ATP1A4: variants seen among roughly 807,000 people sequenced by gnomAD.
ATP1A4 encodes the protein sodium/potassium-transporting ATPase subunit alpha-4.
In ATP1A4, 90 loss-of-function variants were observed where a neutral mutation model predicts 114.3. That is an observed-to-expected ratio of 0.79 (90% CI 0.66 to 0.94). ATP1A4 has a LOEUF of 0.94. Among genes scored for constraint, ATP1A4 ranks in the 40% least tolerant of loss-of-function variants. The pLI, the probability that ATP1A4 is intolerant of heterozygous loss-of-function variation, is 0.00. For synonymous variants in ATP1A4, 511 were observed against 494.1 expected (o/e 1.03, Z -0.45); for missense variants, 1,222 against 1,313.6 (o/e 0.93, Z 1.08).
chr1:160,172,736 G>C (rs1290306738), intron 12 of ATP1A4, among the ~76,000 whole-genome samples: 1 of 152,162 alleles, frequency 6.6e-6, no homozygotes, highest in Admixed American at 6.5e-5. Flanking sequence ...GGTGTTCTCT[G>C]TTGGAACTGG....
intron 20 of ATP1A4, among the ~76,000 whole-genome samples, chr1:160,185,918 CA>C (rs564826958): frequency 0.27 from 25,949 of 96,006 alleles, 2,612 homozygotes; most frequent in Admixed American, 0.38. Flanking sequence ...GACTCCGTCT[CA>C]AAAAAAAAAA....
At chr1:160,168,737 G>GC (rs1653132899) in intron 10 of ATP1A4, among the ~76,000 whole-genome samples, 1 of 152,136 alleles carries the variant, frequency 6.6e-6, no homozygotes, top group Admixed American at 6.5e-5. Flanking sequence ...TGAAAACTGA[G>GC]CAAGTAAGGG....
At chr1:160,174,454 C>T (rs918882916) in intron 14 of ATP1A4, 125 bp from the exon 15 acceptor site, 43 of 1,459,086 alleles carry the variant, frequency 2.9e-5, no homozygotes, top group Non-Finnish European at 3.7e-5. Context: ...GGGAGAAGGA[C>T]GGGAGCCCTA....
At chr1:160,183,004 C>T (rs1653762619) in intron 20 of ATP1A4, 1 of 152,262 alleles carries the variant, frequency 6.6e-6, no homozygotes, top group Non-Finnish European at 1.5e-5. Flanking sequence ...CATGTCTCTA[C>T]TCTGCTCACC....
intron 4 of ATP1A4, 53 bp downstream of exon 4, chr1:160,156,211 T>C: frequency 8.1e-7 from 1 of 1,239,532 alleles, no homozygotes; most frequent in South Asian, 1.2e-5. Flanking sequence ...TGTGGCCAAA[T>C]ACACAATGAT....
chr1:160,179,964 G>A (rs1653620824), intron 18 of ATP1A4, among the ~76,000 whole-genome samples: 2 of 152,160 alleles, frequency 1.3e-5, no homozygotes, highest in South Asian at 2.1e-4. Context: ...TATTGGAAAG[G>A]ATAATATCTA....
Position 160,164,268 on chromosome 1 carries a change from A to T in ATP1A4, c.891A>T (p.Glu297Asp), listed in dbSNP as rs1290667476. The change falls in exon 7 of 22, where the codon GAA (glutamate) becomes GAT (aspartate). Residue 297 changes from glutamate to aspartate, a missense_variant. Transcript: ENST00000368081. ...VGQTPIAAEI[E>D]HFIHLITVVA... ...AGACACCTATCGCTGCTGAGATCGA[A>T]CACTTCATCCATCTGATCACTGTGG... is the stretch of plus-strand genomic sequence containing the variant. 1.2e-6 allele frequency: 2 copies of T among 1,613,954 alleles called. No individual in the cohort carries two copies. Among genetic ancestry groups the T allele is most frequent in the African/African-American group, 2.7e-5 (2 of 74,892 alleles).
chr1:160,156,226 T>C, intron 4 of ATP1A4, 68 bp downstream of exon 4: 73 of 953,814 alleles, frequency 7.7e-5, no homozygotes, highest in Non-Finnish European at 1.1e-4. Flanking sequence ...AATGATGAAG[T>C]CCCGTGGAAA....
intron 4 of ATP1A4, among the ~76,000 whole-genome samples, chr1:160,158,533 C>T (rs1302792198): frequency 6.6e-6 from 1 of 152,072 alleles, no homozygotes; most frequent in Non-Finnish European, 1.5e-5. Context: ...CATGCCACCA[C>T]ACCTGGCTAA....
At chr1:160,183,829 G>A (rs944730815) in intron 20 of ATP1A4, among the ~76,000 whole-genome samples, 1 of 152,048 alleles carries the variant, frequency 6.6e-6, no homozygotes, top group South Asian at 2.1e-4. Flanking sequence ...GTTGGACTAC[G>A]TTCCCCTTCA....
intron 10 of ATP1A4, among the ~76,000 whole-genome samples, chr1:160,169,297 T>C (rs2101640582): frequency 6.6e-6 from 1 of 152,336 alleles, no homozygotes; most frequent in African/African-American, 2.4e-5. Context: ...GATGCTCTGT[T>C]CCAGCATTTC....
chr1:160,160,396 T>C (rs746898799), intron 6 of ATP1A4, among the ~76,000 whole-genome samples: 5 of 152,078 alleles, frequency 3.3e-5, no homozygotes, highest in Non-Finnish European at 7.4e-5. Flanking sequence ...TGTGTATTTT[T>C]AGTAGAGATG....
intron 15 of ATP1A4, 65 bp downstream of exon 15, chr1:160,174,812 T>A (rs2101647948): frequency 6.3e-7 from 1 of 1,592,458 alleles, no homozygotes; most frequent in Non-Finnish European, 8.6e-7. Flanking sequence ...TTGGTGTACA[T>A]CCCCTCTTTC....
In ATP1A4 at chr1:160,166,539, C is replaced by T; in HGVS notation, c.1059C>T (p.Thr353=). The T allele has an allele frequency of 1.2e-6, 2 of 1,614,216 alleles. No homozygotes were observed. Among genetic ancestry groups the T allele is most frequent in the South Asian group, 1.1e-5 (1 of 91,084 alleles). The change falls in exon 8 of 22, where the codon ACC becomes ACT. Residue 353 remains threonine, a synonymous_variant. Transcript: ENST00000368081. ...CTTCTTGGCTTTAGGTGTGCCTGAC[C>T]CTCACAGCCAAGCGCATGGCGCGGA... The part of the protein sequence containing the change: ...GLLATVTVCL[T]LTAKRMARKN...
intron 15 of ATP1A4, 109 bp from the exon 16 acceptor site, chr1:160,175,983 C>T: frequency 1.7e-6 from 2 of 1,181,818 alleles, no homozygotes; most frequent in Non-Finnish European, 2.5e-6. Context: ...CCTCCAGACC[C>T]TTTCCTGGAC....
chr1:160,176,148 A>T lies in ATP1A4; in HGVS notation c.2368A>T (p.Ile790Phe), dbSNP rs764286501. Residue 790 changes from isoleucine to phenylalanine, a missense_variant, in exon 16 of 22, where the codon ATC (isoleucine) becomes TTC (phenylalanine). Physicochemically the swap from Ile to Phe is conservative, Grantham distance 21. Coordinates refer to ENST00000368081, the MANE Select transcript of ATP1A4 (RefSeq NM_144699.4). ...CATCATGTACACCCTGACCAGCAAC[A>T]TCCCCGAGATCACGCCCTTCCTGAT... ...KSIMYTLTSN[I>F]PEITPFLMFI... 2.5e-6 allele frequency: 4 copies of T among 1,614,078 alleles called. No homozygotes were observed. Among genetic ancestry groups the T allele is most frequent in the Middle Eastern group, 3.3e-4 (2 of 6,062 alleles).
intron 7 of ATP1A4, among the ~76,000 whole-genome samples, chr1:160,165,355 C>T (rs1032547984): frequency 1.3e-5 from 2 of 152,240 alleles, no homozygotes; most frequent in African/African-American, 4.8e-5. Flanking sequence ...TCTTGCTTCA[C>T]ACTTGACTTA....
In ATP1A4 at chr1:160,173,664, G is replaced by T. The variant is rs374282407; in HGVS notation, c.1938G>T (p.Thr646=). ...GCATCATCTCAGAAGGCACTGAGAC[G>T]GCAGAGGAAGTCGCTGCCCGGCTTA... ...GVGIISEGTE[T]AEEVAARLKI... Residue 646 remains threonine (T), a synonymous_variant, in exon 13 of 22, where the codon ACG becomes ACT. Transcript: ENST00000368081. 6.2e-7 allele frequency: 1 copy of T among 1,613,998 alleles called. No homozygotes were observed. Among genetic ancestry groups the T allele is most frequent in the Admixed American group, 1.7e-5 (1 of 59,994 alleles).
In ATP1A4 at chr1:160,177,602, A is replaced by G. The variant is rs753028824; in HGVS notation, c.2674A>G (p.Ile892Val). 1 of 1,614,232 alleles carries G rather than the reference A, an allele frequency of 6.2e-7. No individual in the cohort carries two copies. Among genetic ancestry groups the G allele is most frequent in the South Asian group, 1.1e-5 (1 of 91,082 alleles). Residue 892 changes from isoleucine to valine, a missense_variant, in exon 18 of 22, where the codon ATC becomes GTC. Physicochemically the swap from Ile to Val is conservative, Grantham distance 29. Transcript: ENST00000368081. ...NGFRPVDLLG[I>V]RLHWEDKYLN... ...TTTTAGGCCTGTTGATCTGCTGGGC[A>G]TCCGCCTCCACTGGGAAGATAAATA...
Sources: allele counts gnomAD v4.1 joint callset (sites outside exome capture counted in the v4.1 genomes callset), GRCh38; gene constraint gnomAD v4.1.1; transcripts MANE v1.5; gene names NCBI Gene and HGNC (gene_info 2026-07-23, HGNC 2026-07-21).